Variants in PTPRD observed in about 807,000 individuals in gnomAD.
The protein encoded by PTPRD is receptor-type tyrosine-protein phosphatase delta.
In PTPRD, 34 loss-of-function variants were observed where a neutral mutation model predicts 214.5. The observed-to-expected ratio is 0.16, with a 90% CI of 0.12 to 0.21. The LOEUF is 0.21. Among genes scored for constraint, PTPRD ranks in the 10% least tolerant of loss-of-function variants. PTPRD has a pLI of 1.00. For missense variants in PTPRD, 2,545 were observed against 2,398.7 expected (o/e 1.06, Z -1.27); for synonymous variants, 1,128 against 845.7 (o/e 1.33, Z -5.79).
intron 11 of PTPRD, among the ~76,000 whole-genome samples, chr9:8,904,740 G>T (rs568865923): frequency 1.3e-5 from 2 of 150,492 alleles, no homozygotes; most frequent in African/African-American, 4.9e-5. Context: ...ACACATAATC[G>T]TATATTACTG....
At chr9:9,841,759 C>T (rs1368602932) in intron 5 of PTPRD, among the ~76,000 whole-genome samples, 1 of 152,024 alleles carries the variant, frequency 6.6e-6, no homozygotes, top group Non-Finnish European at 1.5e-5. Context: ...CTCTTGGCTT[C>T]TCAGATTTCT....
At chr9:8,848,352 T>G (rs2097746804) in intron 11 of PTPRD, among the ~76,000 whole-genome samples, 1 of 147,428 alleles carries the variant, frequency 6.8e-6, no homozygotes, top group Admixed American at 6.9e-5. Flanking sequence ...TTTTTGCTTT[T>G]TGAGACAGAG....
At chr9:9,978,168 A>G (rs896518569) in intron 4 of PTPRD, among the ~76,000 whole-genome samples, 3 of 152,188 alleles carry the variant, frequency 2.0e-5, no homozygotes, top group Admixed American at 6.5e-5. Context: ...TTCAGTCAAA[A>G]TCAGAAAACC....
intron 5 of PTPRD, among the ~76,000 whole-genome samples, chr9:9,925,209 G>C (rs980607551): frequency 3.9e-5 from 6 of 152,088 alleles, no homozygotes; most frequent in African/African-American, 1.4e-4. Context: ...CTACTGTAGA[G>C]AGGCAGTAGT....
At chr9:9,114,605 CT>C (rs1321525745) in intron 10 of PTPRD, among the ~76,000 whole-genome samples, 1 of 152,088 alleles carries the variant, frequency 6.6e-6, no homozygotes, top group Non-Finnish European at 1.5e-5. Flanking sequence ...TTCCTGGGGA[CT>C]TTATGGTCCT....
At chr9:9,161,804 C>G (rs2099889677) in intron 10 of PTPRD, among the ~76,000 whole-genome samples, 1 of 151,916 alleles carries the variant, frequency 6.6e-6, no homozygotes. Context: ...AAATGGTAAA[C>G]TATGTAACAC....
At chr9:9,224,778 A>G (rs1321570441) in intron 9 of PTPRD, among the ~76,000 whole-genome samples, 8 of 151,926 alleles carry the variant, frequency 5.3e-5, no homozygotes, top group Non-Finnish European at 8.8e-5. Context: ...GTTTTATAAC[A>G]TAATAGTTTT....
At chr9:9,974,385 G>A (rs539888594) in intron 4 of PTPRD, among the ~76,000 whole-genome samples, 330 of 152,250 alleles carry the variant, frequency 2.2e-3, no homozygotes, top group African/African-American at 7.2e-3. Flanking sequence ...AACTGCCCAT[G>A]GGTTCATGTG....
At chr9:8,365,311 A>G (rs971430765) in intron 39 of PTPRD, among the ~76,000 whole-genome samples, 9 of 152,132 alleles carry the variant, frequency 5.9e-5, no homozygotes, top group Non-Finnish European at 1.0e-4. Flanking sequence ...TGTAAAGAAA[A>G]TATTTTTGAG....
intron 3 of PTPRD, among the ~76,000 whole-genome samples, chr9:10,288,608 G>C (rs1007203619): frequency 6.6e-6 from 1 of 152,148 alleles, no homozygotes; most frequent in African/African-American, 2.4e-5. Context: ...GGAAAGAACA[G>C]CAGGAGAATT....
chr9:9,526,301 A>C (rs1301301296), intron 8 of PTPRD, among the ~76,000 whole-genome samples: 7 of 152,144 alleles, frequency 4.6e-5, no homozygotes. Flanking sequence ...ATTTACATAC[A>C]CGTACTTGGG....
intron 8 of PTPRD, among the ~76,000 whole-genome samples, chr9:9,534,299 G>T (rs947907642): frequency 1.3e-5 from 2 of 151,944 alleles, no homozygotes; most frequent in Non-Finnish European, 2.9e-5. Flanking sequence ...AAAGAATGAG[G>T]ACACAGTAGT....
intron 4 of PTPRD, among the ~76,000 whole-genome samples, chr9:9,975,334 G>A (rs1354245879): frequency 2.0e-5 from 3 of 152,184 alleles, no homozygotes; most frequent in African/African-American, 7.2e-5. Flanking sequence ...ATACTTAACT[G>A]TGGTTCTTTG....
At chr9:10,347,379 G>A (rs986126138) in intron 2 of PTPRD, among the ~76,000 whole-genome samples, 8 of 150,842 alleles carry the variant, frequency 5.3e-5, no homozygotes, top group African/African-American at 1.9e-4. Context: ...GATTTGTAAA[G>A]ATGGAATGTC....
intron 5 of PTPRD, among the ~76,000 whole-genome samples, chr9:9,852,606 T>G (rs1009003541): frequency 1.3e-5 from 2 of 152,118 alleles, no homozygotes; most frequent in African/African-American, 4.8e-5. Flanking sequence ...TCATATAGAT[T>G]TGATAATTTT....
chr9:9,116,401 A>C (rs2154458968), intron 10 of PTPRD, among the ~76,000 whole-genome samples: 1 of 152,244 alleles, frequency 6.6e-6, no homozygotes, highest in African/African-American at 2.4e-5. Flanking sequence ...CTCACTCATA[A>C]GTGAGAGCTC....
intron 4 of PTPRD, among the ~76,000 whole-genome samples, chr9:9,979,816 C>T (rs1263604064): frequency 6.6e-6 from 1 of 152,062 alleles, no homozygotes. Context: ...GGGAGAAACC[C>T]AGCTAACTCA....
At chr9:10,208,492 C>A (rs902768209) in intron 3 of PTPRD, among the ~76,000 whole-genome samples, 10 of 152,256 alleles carry the variant, frequency 6.6e-5, no homozygotes, top group Admixed American at 3.9e-4. Flanking sequence ...CCAGCCTGGG[C>A]GACAGAGCGA....
chr9:8,670,159 A>C (rs1421467955), intron 12 of PTPRD, among the ~76,000 whole-genome samples: 1 of 152,136 alleles, frequency 6.6e-6, no homozygotes, highest in African/African-American at 2.4e-5. Context: ...AGGAAAAGGC[A>C]TCAGAAAAAG....
Sources: allele counts gnomAD v4.1 joint callset (sites outside exome capture counted in the v4.1 genomes callset), GRCh38; gene constraint gnomAD v4.1.1; transcripts MANE v1.5; gene names NCBI Gene and HGNC (gene_info 2026-07-23, HGNC 2026-07-21).